Variants in SRGAP3 observed in about 807,000 individuals in gnomAD.
SRGAP3 encodes the protein SLIT-ROBO Rho GTPase activating protein 3.
In SRGAP3, 39 loss-of-function variants were observed where a neutral mutation model predicts 121.1. That is an observed-to-expected ratio of 0.32 (90% CI 0.25 to 0.42). The LOEUF is 0.42. Ranked by LOEUF, SRGAP3 falls within the 10% of genes least tolerant of loss-of-function variation. The pLI is 1.00. For synonymous variants in SRGAP3, 601 were observed against 570.0 expected (o/e 1.05, Z -0.77); for missense variants, 1,213 against 1,470.6 (o/e 0.82, Z 2.86).
At chr3:9,101,637 T>C (rs434766) in intron 3 of SRGAP3, among the ~76,000 whole-genome samples, 53,494 of 151,974 alleles carry the variant, frequency 0.35, 10,414 homozygotes, top group Non-Finnish European at 0.45. Context: ...TGGAGCAGAG[T>C]TGCCGAAAGA....
At chr3:9,010,467 A>G in intron 17 of SRGAP3, 80 bp from the exon 18 acceptor site, 1 of 1,546,844 alleles carries the variant, frequency 6.5e-7, no homozygotes, top group East Asian at 2.2e-5. Flanking sequence ...ATGCCAGTCC[A>G]GTTGGCCTCT....
intron 1 of SRGAP3, among the ~76,000 whole-genome samples, chr3:9,203,308 T>A (rs1192792842): frequency 6.6e-6 from 1 of 152,216 alleles, no homozygotes; most frequent in African/African-American, 2.4e-5. Context: ...TAGTGCTAAC[T>A]CTGCCACTTA....
intron 3 of SRGAP3, among the ~76,000 whole-genome samples, chr3:9,262,555 A>AAAAAAAAAAAAAAAAAAAAAAAAAAAAC: frequency 6.7e-6 from 1 of 149,654 alleles, no homozygotes; most frequent in Non-Finnish European, 1.5e-5. Flanking sequence ...AAAAAAAAAA[A>AAAAAAAAAAAAAAAAAAAAAAAAAAAAC]AGCAGTGGTT....
chr3:9,120,932 A>G (rs548779429), intron 2 of SRGAP3, among the ~76,000 whole-genome samples: 174 of 152,306 alleles, frequency 1.1e-3, no homozygotes, highest in African/African-American at 4.1e-3. Flanking sequence ...GCAGCAGCAC[A>G]TTCTTCAATT....
intron 18 of SRGAP3, among the ~76,000 whole-genome samples, chr3:9,003,574 C>T (rs1350116158): frequency 6.6e-6 from 1 of 152,166 alleles, no homozygotes; most frequent in Non-Finnish European, 1.5e-5. Context: ...TGGAATTTAT[C>T]CCAGGACTGC....
At chr3:9,159,518 G>A (rs1457302051) in intron 1 of SRGAP3, among the ~76,000 whole-genome samples, 1 of 152,194 alleles carries the variant, frequency 6.6e-6, no homozygotes, top group Non-Finnish European at 1.5e-5. Context: ...AGAGATAAGG[G>A]CAACAAAGAC....
At chr3:9,278,843 G>A (rs1211621172) in intron 3 of SRGAP3, among the ~76,000 whole-genome samples, 2 of 152,146 alleles carry the variant, frequency 1.3e-5, no homozygotes, top group Non-Finnish European at 2.9e-5. Flanking sequence ...CAGGTATCTG[G>A]ACTATAGTTG....
At chr3:9,052,925 C>A in intron 9 of SRGAP3, 102 bp downstream of exon 9, 2 of 1,368,682 alleles carry the variant, frequency 1.5e-6, no homozygotes, top group Non-Finnish European at 2.1e-6. Context: ...ATCCAATTGA[C>A]CCATGTGGTT....
chr3:9,069,234 T>C (rs992216901), intron 4 of SRGAP3, among the ~76,000 whole-genome samples: 1 of 152,214 alleles, frequency 6.6e-6, no homozygotes, highest in Non-Finnish European at 1.5e-5. Context: ...GCCCTCCCAC[T>C]ACTTGCTGGG....
intron 1 of SRGAP3, among the ~76,000 whole-genome samples, chr3:9,330,913 C>T (rs1293971572): frequency 6.6e-6 from 1 of 152,182 alleles, no homozygotes; most frequent in Non-Finnish European, 1.5e-5. Context: ...CAGACGCATA[C>T]TACTAAGTTA....
chr3:9,146,449 A>G (rs114455229), intron 1 of SRGAP3, among the ~76,000 whole-genome samples: 61 of 152,322 alleles, frequency 4.0e-4, no homozygotes, highest in Non-Finnish European at 7.2e-4. Context: ...TAACCCCAGC[A>G]TCAATTTCTA....
In SRGAP3 at chr3:9,349,071, C is replaced by T. The variant is rs1314383715; in HGVS notation, n.214+13769G>A. Reference sequence around the variant, plus strand: ...GCTATCATGGAGCTGAACCTGCCCACTGGTATTCCCGTTGTCTATGAATTG... The same window carrying T: ...GCTATCATGGAGCTGAACCTGCCCATTGGTATTCCCGTTGTCTATGAATTG... On this transcript the variant is annotated intron_variant and non_coding_transcript_variant, in intron 1 of 3. Coordinates refer to the SRGAP3 transcript ENST00000490889. 9.5e-6 allele frequency: 9 copies of T among 951,908 alleles called. No individual in the cohort carries two copies. The Admixed American group carries it at 1.5e-4, about 16-fold the overall frequency. 59.0% of individuals were successfully genotyped at this position (951,908 alleles called of 1,614,324 possible).
At position 9,211,049 on chromosome 3, in the gene SRGAP3, C is replaced by A. The variant is rs563370348; in HGVS notation, c.67+37836G>T. Among the ~76,000 whole-genome samples, 3 of 152,298 alleles carry A rather than the reference C, an allele frequency of 2.0e-5. No individual in the cohort carries two copies. In the East Asian group the frequency reaches 5.8e-4, roughly 29 times the overall value. On this transcript the variant is annotated intron_variant, in intron 1 of 21. Coordinates refer to ENST00000383836, the MANE Select transcript of SRGAP3 (RefSeq NM_014850.4). The stretch of plus-strand genomic sequence containing the variant: ...AAGATAGGGTTATCAGAAACTTTCA[C>A]TTTCTTTGTGGTTCCCTTCCAGTAG...
At chr3:9,137,180 C>T (rs1365524987) in intron 1 of SRGAP3, among the ~76,000 whole-genome samples, 12 of 152,158 alleles carry the variant, frequency 7.9e-5, no homozygotes, top group African/African-American at 2.4e-4. Context: ...TCTTATACCA[C>T]GTTGCCAGAG....
Position 9,053,092 on chromosome 3 carries a change from T to G in SRGAP3, c.1258A>C (p.Met420Leu). The change falls in exon 9 of 22, where the codon ATG becomes CTG. Residue 420 changes from methionine (M) to leucine (L), a missense_variant. Around this residue, in one of 2 missense-constraint regions of SRGAP3, gnomAD observed 793 missense variants for 1,032.9 expected, o/e 0.77. Coordinates refer to ENST00000383836, the MANE Select transcript of SRGAP3 (RefSeq NM_014850.4). ...SVKSAASETY[M>L]SKINIAKRRA... ...CTCTTGGCAATGTTGATCTTGCTCATGTAGGTCTCAGAGGCAGCCGACTTG... is the reference window on the plus strand; with the variant it reads ...CTCTTGGCAATGTTGATCTTGCTCAGGTAGGTCTCAGAGGCAGCCGACTTG... 1 of 1,614,210 alleles carries G rather than the reference T, an allele frequency of 6.2e-7. No individual in the cohort carries two copies. The highest frequency in any genetic ancestry group is 8.5e-7 in the Non-Finnish European group (1 of 1,180,030).
At chr3:9,174,506 T>C (rs962791421) in intron 1 of SRGAP3, among the ~76,000 whole-genome samples, 3 of 152,002 alleles carry the variant, frequency 2.0e-5, no homozygotes, top group South Asian at 2.1e-4. Context: ...GCGGGCAGAA[T>C]GAAGGGAGAA....
chr3:9,058,404 G>T lies in SRGAP3; in HGVS notation c.870C>A (p.Asn290Lys). 3.7e-6 allele frequency: 6 copies of T among 1,614,230 alleles called. No homozygotes were observed. Among genetic ancestry groups the T allele is most frequent in the Non-Finnish European group, 5.1e-6 (6 of 1,180,040 alleles). ...GCCCTTCGTGGCGAGAGGTCTCCAG[G>T]TTGTATTCAGCTGAGAGATAGGTCC... ...TFRTYLSAEY[N>K]LETSRHEGLD... The change falls in exon 7 of 22, where the codon AAC (asparagine) becomes AAA (lysine). Residue 290 changes from asparagine to lysine, a missense_variant. By Grantham distance (94) the Asn-to-Lys change is moderately conservative (BLOSUM62 0). Coordinates refer to ENST00000383836, the MANE Select transcript of SRGAP3 (RefSeq NM_014850.4).
chr3:9,253,490 A>G (rs1322114400), upstream of SRGAP3, among the ~76,000 whole-genome samples: 1 of 152,226 alleles, frequency 6.6e-6, no homozygotes, highest in Non-Finnish European at 1.5e-5. Context: ...GGTAGAAAGA[A>G]AAAAGGCTTC....
At chr3:9,119,096 T>C (rs892743032) in intron 2 of SRGAP3, among the ~76,000 whole-genome samples, 2 of 152,192 alleles carry the variant, frequency 1.3e-5, no homozygotes, top group Non-Finnish European at 2.9e-5. Context: ...AGCCCAGTGG[T>C]TGTCCAAAGG....
Sources: allele counts gnomAD v4.1 joint callset (sites outside exome capture counted in the v4.1 genomes callset), GRCh38; gene constraint gnomAD v4.1.1; regional missense constraint gnomAD v4.1.1; transcripts MANE v1.5; gene names NCBI Gene and HGNC (gene_info 2026-07-23, HGNC 2026-07-21).